Variants in FPR3 observed in about 807,000 individuals in gnomAD.
FPR3 encodes the protein N-formyl peptide receptor 3.
For missense variants in FPR3, 346 were observed against 443.2 expected, an observed-to-expected ratio of 0.78 and a Z score of 1.97; for synonymous variants, 135 against 163.6, an observed-to-expected ratio of 0.83 and a Z score of 1.34.
intron 1 of FPR3, among the ~76,000 whole-genome samples, chr19:51,797,781 T>C (rs539920781): frequency 9.1e-4 from 139 of 151,974 alleles, no homozygotes; most frequent in African/African-American, 3.3e-3. Flanking sequence ...GGGTTCGGGA[T>C]TGTACCCCAC....
intron 1 of FPR3, among the ~76,000 whole-genome samples, chr19:51,820,402 T>A (rs1190585748): frequency 6.6e-6 from 1 of 152,186 alleles, no homozygotes; most frequent in East Asian, 1.9e-4. Context: ...AATAATAAAA[T>A]ACACATTGGT....
In FPR3 at chr19:51,798,962, A is replaced by G. The variant is rs185629235; in HGVS notation, c.-11+3631A>G. Among the ~76,000 whole-genome samples, 5 of 152,036 alleles carry G rather than the reference A, an allele frequency of 3.3e-5. No individual in the cohort carries two copies. In the East Asian group the frequency reaches 9.7e-4, roughly 29 times the overall value. ...AAACCCCATCTCTACTAAAAATACA[A>G]AAAATTAGCCGGGCGTGGTGGTGGT... On this transcript the variant is annotated intron_variant, in intron 1 of 1. Transcript: ENST00000339223.
At chr19:51,811,962 C>T (rs2122449505) in intron 1 of FPR3, among the ~76,000 whole-genome samples, 1 of 152,286 alleles carries the variant, frequency 6.6e-6, no homozygotes. Context: ...AATGTACTCA[C>T]TTTGCCCATA....
intron 1 of FPR3, among the ~76,000 whole-genome samples, chr19:51,807,220 G>A (rs904585595): frequency 6.6e-6 from 1 of 152,182 alleles, no homozygotes; most frequent in Non-Finnish European, 1.5e-5. Flanking sequence ...AGGAAGTGGG[G>A]GGGGTGGTTG....
chr19:51,818,550 G>A (rs2084162119), intron 1 of FPR3, among the ~76,000 whole-genome samples: 1 of 152,194 alleles, frequency 6.6e-6, no homozygotes, highest in African/African-American at 2.4e-5. Flanking sequence ...TGGACCTGGG[G>A]CAGCTGTTTT....
chr19:51,799,071 C>T (rs1005344177), intron 1 of FPR3, among the ~76,000 whole-genome samples: 3 of 152,130 alleles, frequency 2.0e-5, no homozygotes, highest in Non-Finnish European at 2.9e-5. Context: ...CACACCGCTG[C>T]AGTCCAGCTG....
At chr19:51,811,782 C>G (rs1277714825) in intron 1 of FPR3, 1 of 136,264 alleles carries the variant, frequency 7.3e-6, no homozygotes, top group Non-Finnish European at 1.6e-5. Flanking sequence ...GAGCTCGGCA[C>G]CAGGAGGCGA....
At chr19:51,821,417 C>T (rs1212346674) in intron 1 of FPR3, among the ~76,000 whole-genome samples, 2 of 152,110 alleles carry the variant, frequency 1.3e-5, no homozygotes, top group Non-Finnish European at 2.9e-5. Context: ...CTACTAGCAT[C>T]GGTGGATAGA....
chr19:51,800,483 A>T (rs2122412691), intron 1 of FPR3, among the ~76,000 whole-genome samples: 1 of 152,304 alleles, frequency 6.6e-6, no homozygotes, highest in South Asian at 2.1e-4. Flanking sequence ...CTGGAAGTGG[A>T]GCATGGCCCG....
chr19:51,804,845 C>G (rs976125928), intron 1 of FPR3: 2 of 152,132 alleles, frequency 1.3e-5, no homozygotes, highest in African/African-American at 4.8e-5. Context: ...GGCACCTTGC[C>G]TCTAGTGGAC....
At chr19:51,800,752 T>G (rs998667704) in intron 1 of FPR3, among the ~76,000 whole-genome samples, 2 of 152,202 alleles carry the variant, frequency 1.3e-5, no homozygotes, top group Non-Finnish European at 2.9e-5. Flanking sequence ...CAATACCATT[T>G]TTTTTTCTTT....
intron 1 of FPR3, among the ~76,000 whole-genome samples, chr19:51,799,345 G>A (rs1218213883): frequency 6.6e-6 from 1 of 152,180 alleles, no homozygotes; most frequent in Non-Finnish European, 1.5e-5. Context: ...AAAGCGACCT[G>A]GGCAGTTGGA....
Position 51,797,877 on chromosome 19 carries a change from CTTTTTTTTT to C in FPR3, c.-11+2561_-11+2569del, listed in dbSNP as rs753127261. On this transcript the variant is annotated intron_variant, in intron 1 of 1. Coordinates refer to ENST00000339223, the MANE Select transcript of FPR3 (RefSeq NM_002030.5). ...ATCCTAGATGATTTCCATGTCTATT[CTTTTTTTTT>C]TTTTTTTTTTTTTTGAGACGGAGTC... Among the ~76,000 whole-genome samples the C allele has an allele frequency of 1.7e-4, 12 of 71,510 alleles. No homozygotes were observed. In the South Asian group the frequency reaches 2.3e-3, roughly 14 times the overall value. The allele number at this position is 71,510 out of a possible 152,430, so 46.9% of individuals were successfully genotyped here.
At chr19:51,796,351 G>A (rs1409806020) in intron 1 of FPR3, among the ~76,000 whole-genome samples, 1 of 152,244 alleles carries the variant, frequency 6.6e-6, no homozygotes, top group African/African-American at 2.4e-5. Flanking sequence ...CAGGGCACAT[G>A]TGGCAGTGGA....
At chr19:51,795,915 T>C (rs1599827146) in intron 1 of FPR3, among the ~76,000 whole-genome samples, 2 of 152,152 alleles carry the variant, frequency 1.3e-5, no homozygotes, top group African/African-American at 4.8e-5. Context: ...AAATTTTGAG[T>C]CCCATATGTA....
intron 1 of FPR3, among the ~76,000 whole-genome samples, chr19:51,813,240 G>A (rs929455346): frequency 6.6e-6 from 1 of 151,722 alleles, no homozygotes; most frequent in Non-Finnish European, 1.5e-5. Flanking sequence ...ATCTGGTGAG[G>A]GCCATTACTC....
chr19:51,806,156 T>C (rs1034182803), intron 1 of FPR3, among the ~76,000 whole-genome samples: 2 of 152,170 alleles, frequency 1.3e-5, no homozygotes, highest in African/African-American at 4.8e-5. Flanking sequence ...CCAGTCGGCC[T>C]TCTCTCCATC....
At chr19:51,797,362 C>A (rs1424530665) in intron 1 of FPR3, among the ~76,000 whole-genome samples, 1 of 151,972 alleles carries the variant, frequency 6.6e-6, no homozygotes, top group Non-Finnish European at 1.5e-5. Flanking sequence ...ACAGAGAGGT[C>A]ATTTGGCTAG....
chr19:51,798,804 C>T lies in FPR3; in HGVS notation c.-11+3473C>T, dbSNP rs559809628. 5.3e-5 allele frequency among the ~76,000 whole-genome samples: 8 copies of T among 152,124 alleles called. No homozygotes were observed. The South Asian group carries it at 1.0e-3, about 20-fold the overall frequency. On this transcript the variant is annotated intron_variant, in intron 1 of 1. Transcript: ENST00000339223. Reference sequence around the variant, plus strand: ...ATCATTCTTAAAGAGGCTAAATAGCCCAGGGTGGGAAGATTCTCAGATTTT... The same window carrying T: ...ATCATTCTTAAAGAGGCTAAATAGCTCAGGGTGGGAAGATTCTCAGATTTT...
Sources: gnomAD v4.1 joint callset for allele counts (sites outside exome capture counted in the v4.1 genomes callset) on GRCh38, gnomAD v4.1.1 for gene constraint, MANE v1.5 for transcripts, NCBI Gene and HGNC (gene_info 2026-07-23, HGNC 2026-07-21) for gene names.